The following SLFN12L variants were observed in gnomAD, a reference collection of about 807,000 sequenced individuals.
SLFN12L encodes schlafen family member 12-like.
A neutral mutation model predicts 34.8 loss-of-function variants in SLFN12L; 34 were observed. The observed-to-expected ratio is 0.98, with a 90% CI of 0.74 to 1.30. The LOEUF is 1.30. SLFN12L is among the 50% of genes most tolerant of loss of function. The pLI is 0.00. For missense variants in SLFN12L, 703 were observed against 696.2 expected, an observed-to-expected ratio of 1.01 and a Z score of -0.11; for synonymous variants, 259 against 247.5, an observed-to-expected ratio of 1.05 and a Z score of -0.44.
chr17:35,530,362 A>AGAGGAAGG (rs2072380271), intron 1 of SLFN12L, among the ~76,000 whole-genome samples: 1 of 84,924 alleles, frequency 1.2e-5, no homozygotes, highest in African/African-American at 4.6e-5. Flanking sequence ...AAAGAGAAAG[A>AGAGGAAGG]AAGGAAGGAA....
At chr17:35,509,655 A>G (rs1480688437) in intron 2 of SLFN12L, among the ~76,000 whole-genome samples, 1 of 152,060 alleles carries the variant, frequency 6.6e-6, no homozygotes, top group East Asian at 1.9e-4. Flanking sequence ...ATTAAAACTC[A>G]TAGTATTATT....
intron 2 of SLFN12L, among the ~76,000 whole-genome samples, chr17:35,513,626 C>T (rs1359980074): frequency 1.3e-5 from 2 of 152,186 alleles, no homozygotes; most frequent in Admixed American, 6.5e-5. Flanking sequence ...TAATATGTCA[C>T]TATTTGAGAA....
At chr17:35,503,843 G>A (rs1343743193) in intron 2 of SLFN12L, among the ~76,000 whole-genome samples, 1 of 151,898 alleles carries the variant, frequency 6.6e-6, no homozygotes, top group Non-Finnish European at 1.5e-5. Context: ...AGCCTGAGAA[G>A]GACCCTACCT....
chr17:35,476,051 G>A lies in SLFN12L; in HGVS notation c.1277-566C>T, dbSNP rs55980723. On this transcript the variant is annotated intron_variant, in intron 4 of 4. Coordinates refer to ENST00000628453, the MANE Select transcript of SLFN12L (RefSeq NM_001363830.2). Reference sequence around the variant, plus strand: ...TAATACAGAAGAATCACAGGAAGTAGCTTCACATTCACCTCTGCTTTTTCC... The same window carrying A: ...TAATACAGAAGAATCACAGGAAGTAACTTCACATTCACCTCTGCTTTTTCC... Among the ~76,000 whole-genome samples, 152 of 152,124 alleles carry A rather than the reference G, an allele frequency of 1.0e-3. 1 individual carries two copies. The highest frequency in any genetic ancestry group is 3.1e-3 in the African/African-American group (127 of 41,496).
chr17:35,510,904 TTGAA>T (rs1212464417), intron 2 of SLFN12L, among the ~76,000 whole-genome samples: 2 of 152,106 alleles, frequency 1.3e-5, no homozygotes, highest in African/African-American at 4.8e-5. Context: ...TGAAGTTACT[TTGAA>T]TGTCTTGCTT....
In SLFN12L at chr17:35,480,147, G is replaced by T; in HGVS notation, c.135C>A (p.Ile45=). ...CATAGTTTGTGTCTAAATCAATACTGATGTTCATTTTCCCAGCAGCTAAGC... is the reference window on the plus strand; with the variant it reads ...CATAGTTTGTGTCTAAATCAATACTTATGTTCATTTTCCCAGCAGCTAAGC... ...GNGLAAGKMN[I]SIDLDTNYAE... is the part of the protein sequence containing the mutation. The change falls in exon 3 of 5, where the codon ATC becomes ATA. Residue 45 remains isoleucine, a synonymous_variant. Coordinates refer to ENST00000628453, the MANE Select transcript of SLFN12L (RefSeq NM_001363830.2). 1 of 1,605,752 alleles carries T rather than the reference G, an allele frequency of 6.2e-7. No homozygotes were observed. The highest frequency in any genetic ancestry group is 8.5e-7 in the Non-Finnish European group (1 of 1,176,362).
chr17:35,505,492 G>T (rs751937384), intron 2 of SLFN12L, among the ~76,000 whole-genome samples: 12 of 152,308 alleles, frequency 7.9e-5, no homozygotes, highest in Non-Finnish European at 1.6e-4. Flanking sequence ...TGACTTTCAT[G>T]AATACATCAT....
chr17:35,492,125 G>T (rs577974848), intron 2 of SLFN12L, among the ~76,000 whole-genome samples: 4 of 152,170 alleles, frequency 2.6e-5, no homozygotes, highest in Non-Finnish European at 5.9e-5. Context: ...ACTTTGAAGC[G>T]ATTTTTGCAA....
At chr17:35,508,422 C>T (rs1915535390) in intron 2 of SLFN12L, among the ~76,000 whole-genome samples, 1 of 152,220 alleles carries the variant, frequency 6.6e-6, no homozygotes, top group African/African-American at 2.4e-5. Flanking sequence ...TCTCAGCTCA[C>T]TGCAATGTCC....
At chr17:35,516,633 C>A (rs1171927637) in intron 2 of SLFN12L, among the ~76,000 whole-genome samples, 1 of 152,168 alleles carries the variant, frequency 6.6e-6, no homozygotes, top group African/African-American at 2.4e-5. Context: ...GATATTATGT[C>A]CCTTGGAGGG....
At chr17:35,520,725 G>A (rs555409106) in intron 2 of SLFN12L, among the ~76,000 whole-genome samples, 66 of 151,796 alleles carry the variant, frequency 4.3e-4, no homozygotes, top group East Asian at 1.6e-3. Context: ...CAGCCTGGGC[G>A]ACAGAGCAAA....
Position 35,464,480 on chromosome 17 carries a change from C to A in SLFN12L, c.*10443G>T, listed in dbSNP as rs1256486549. On this transcript the variant is annotated 3_prime_UTR_variant, in exon 5 of 5. Transcript: ENST00000628453. ...GTTTCCTTCTTTGTGTTCATAAGTTCTTTCGTTTAGCTCCCATTTATCAGT... is the reference window on the plus strand; with the variant it reads ...GTTTCCTTCTTTGTGTTCATAAGTTATTTCGTTTAGCTCCCATTTATCAGT... The A allele has an allele frequency of 2.6e-5, 3 of 114,850 alleles. No homozygotes were observed. The highest frequency in any genetic ancestry group is 3.4e-5 in the African/African-American group (1 of 29,680). 7.1% of individuals were successfully genotyped at this position (114,850 alleles called of 1,614,324 possible).
At chr17:35,526,836 G>A (rs1469249216) in intron 1 of SLFN12L, among the ~76,000 whole-genome samples, 1 of 151,978 alleles carries the variant, frequency 6.6e-6, no homozygotes, top group Non-Finnish European at 1.5e-5. Context: ...AAAGCTAGCA[G>A]AAGACAAGAA....
intron 2 of SLFN12L, among the ~76,000 whole-genome samples, chr17:35,516,417 G>A (rs375720587): frequency 1.4e-4 from 21 of 152,348 alleles, no homozygotes; most frequent in African/African-American, 3.4e-4. Context: ...TCTGGAATAC[G>A]TGTTTAAGAA....
chr17:35,479,057 A>G, intron 3 of SLFN12L, 60 bp downstream of exon 3: 1 of 1,310,826 alleles, frequency 7.6e-7, no homozygotes, highest in Non-Finnish European at 1.0e-6. Context: ...CAAAGATACA[A>G]TAAAACCTTC....
chr17:35,489,832 T>G (rs576123681), intron 2 of SLFN12L, among the ~76,000 whole-genome samples: 1 of 152,142 alleles, frequency 6.6e-6, no homozygotes, highest in Non-Finnish European at 1.5e-5. Context: ...AAGCCTAATA[T>G]CAATGGGGCA....
At position 35,466,537 on chromosome 17, in the gene SLFN12L, C is replaced by G. The variant is rs2142116278; in HGVS notation, c.*8386G>C. ...CTCCTCCAAGGAGATGTCACTTAAT[C>G]TACTCATATGGACATAAGAGTCCAA... On this transcript the variant is annotated 3_prime_UTR_variant, in exon 5 of 5. Coordinates refer to ENST00000628453, the MANE Select transcript of SLFN12L (RefSeq NM_001363830.2). 6.6e-6 allele frequency among the ~76,000 whole-genome samples: 1 copy of G among 152,350 alleles called. No individual in the cohort carries two copies. Among genetic ancestry groups the G allele is most frequent in the African/African-American group, 2.4e-5 (1 of 41,586 alleles).
At chr17:35,487,467 G>T (rs1261759893) in intron 2 of SLFN12L, among the ~76,000 whole-genome samples, 1 of 148,974 alleles carries the variant, frequency 6.7e-6, no homozygotes, top group Non-Finnish European at 1.5e-5. Flanking sequence ...GGAGCCCACG[G>T]ACCACCCCCC....
chr17:35,535,899 A>G (rs559692583), intron 1 of SLFN12L, among the ~76,000 whole-genome samples: 1 of 151,518 alleles, frequency 6.6e-6, no homozygotes, highest in African/African-American at 2.4e-5. Context: ...CAAATGATCC[A>G]CCTTCCTCGG....
Sources: gnomAD v4.1 joint callset for allele counts (sites outside exome capture counted in the v4.1 genomes callset) on GRCh38, gnomAD v4.1.1 for gene constraint, MANE v1.5 for transcripts, NCBI Gene and HGNC (gene_info 2026-07-23, HGNC 2026-07-21) for gene names.